IL18R1: variants seen among roughly 807,000 people sequenced by gnomAD.
IL18R1 encodes interleukin-18 receptor 1.
A neutral mutation model predicts 48.5 loss-of-function variants in IL18R1; 40 were observed. That is an observed-to-expected ratio of 0.82 (90% confidence interval 0.64 to 1.07). The LOEUF (loss-of-function observed/expected upper bound fraction) is 1.07, where lower values mean the gene tolerates loss of function less well. Among genes scored for constraint, IL18R1 ranks in the 50% least tolerant of loss-of-function variants. IL18R1 has a pLI of 0.00. For missense variants in IL18R1, 596 were observed against 633.7 expected (o/e 0.94, Z 0.64); for synonymous variants, 232 against 225.9 (o/e 1.03, Z -0.24).
intron 6 of IL18R1, among the ~76,000 whole-genome samples, chr2:102,384,516 T>C (rs918114303): frequency 6.6e-6 from 1 of 152,178 alleles, no homozygotes; most frequent in African/African-American, 2.4e-5. Flanking sequence ...TTTGATGTCT[T>C]TAATGTTTGC....
intron 9 of IL18R1, among the ~76,000 whole-genome samples, chr2:102,392,530 A>G (rs1422450046): frequency 1.3e-5 from 2 of 152,212 alleles, no homozygotes; most frequent in Admixed American, 1.3e-4. Flanking sequence ...CCATTAAATT[A>G]TGGTCCATGA....
At chr2:102,391,283 G>A (rs1353003970) in intron 9 of IL18R1, among the ~76,000 whole-genome samples, 1 of 152,002 alleles carries the variant, frequency 6.6e-6, no homozygotes, top group Non-Finnish European at 1.5e-5. Context: ...CTCATTGATA[G>A]CACATCTGAC....
At chr2:102,395,650 G>A (rs1680781218) in intron 10 of IL18R1, among the ~76,000 whole-genome samples, 1 of 152,088 alleles carries the variant, frequency 6.6e-6, no homozygotes, top group South Asian at 2.1e-4. Context: ...ATTTATTCTG[G>A]GCCATACATC....
rs796419237 is a variant in IL18R1, at chr2:102,356,210, T to C, written c.-219T>C. On this transcript the variant is annotated 5_prime_UTR_variant, in exon 1 of 11. Coordinates refer to ENST00000233957, the MANE Select transcript of IL18R1 (RefSeq NM_003855.5). ...CCTACTTTTTTTCCTTCTTCTTCTTTTTTTTTTTTTTTGTAGCCCTCTCTG... is the reference window on the plus strand; with the variant it reads ...CCTACTTTTTTTCCTTCTTCTTCTTCTTTTTTTTTTTTGTAGCCCTCTCTG... 22 of 261,312 alleles carry C rather than the reference T, an allele frequency of 8.4e-5. No individual in the cohort carries two copies. The highest frequency in any genetic ancestry group is 1.9e-4 in the African/African-American group (8 of 42,646). 16.2% of individuals were successfully genotyped at this position (261,312 alleles called of 1,614,324 possible). A position where few individuals can be genotyped will look rare whatever the true frequency, so the allele number is the denominator to read the frequency against.
chr2:102,379,562 C>A (rs6729638), intron 5 of IL18R1, among the ~76,000 whole-genome samples: 5 of 151,966 alleles, frequency 3.3e-5, no homozygotes, highest in African/African-American at 4.8e-5. Context: ...AGAAATGTGA[C>A]TGGACAAAAG....
chr2:102,385,138 A>G (rs3752659), intron 7 of IL18R1, 140 bp downstream of exon 7: 54,958 of 458,526 alleles, frequency 0.12, 3,795 homozygotes, highest in Non-Finnish European at 0.14. Context: ...GACATATTTT[A>G]TAATTATAGT....
At chr2:102,384,103 T>C (rs987045490) in intron 6 of IL18R1, among the ~76,000 whole-genome samples, 2 of 152,240 alleles carry the variant, frequency 1.3e-5, no homozygotes, top group East Asian at 3.8e-4. Flanking sequence ...AGTATCTCAG[T>C]TGACTCAGAA....
Position 102,394,493 on chromosome 2 carries a change from T to C in IL18R1, c.1136T>C (p.Val379Ala). 2 of 1,612,742 alleles carry C rather than the reference T, an allele frequency of 1.2e-6. No individual in the cohort carries two copies. The highest frequency in any genetic ancestry group is 1.7e-6 in the Non-Finnish European group (2 of 1,179,138). Residue 379 changes from valine (V) to alanine (A), a missense_variant, in exon 10 of 11, where the codon GTG becomes GCG. Transcript: ENST00000233957. ...GATGGAAAAACATATGATGCTTTTG[T>C]GTCTTACCTAAAAGAATGCCGACCT... ...LTDGKTYDAF[V>A]SYLKECRPEN...
intron 8 of IL18R1, among the ~76,000 whole-genome samples, chr2:102,388,768 A>G (rs1414728039): frequency 2.6e-5 from 4 of 152,212 alleles, no homozygotes; most frequent in Non-Finnish European, 2.9e-5. Context: ...TCCAAGGTAC[A>G]GGAGCCCCAG....
At chr2:102,370,808 A>C (rs1183736386) in intron 3 of IL18R1, among the ~76,000 whole-genome samples, 1 of 152,198 alleles carries the variant, frequency 6.6e-6, no homozygotes, top group African/African-American at 2.4e-5. Context: ...GAACTCAGTA[A>C]GTGTTAGTCT....
At chr2:102,367,748 C>A in intron 2 of IL18R1, 77 bp from the exon 3 acceptor site, 1 of 1,286,204 alleles carries the variant, frequency 7.8e-7, no homozygotes, top group Non-Finnish European at 1.1e-6. Flanking sequence ...TCACCTAATG[C>A]ATTAGGAGAC....
At position 102,356,208 on chromosome 2, in the gene IL18R1, T is replaced by TTC. The variant is rs34418941; in HGVS notation, c.-220_-219insCT. ...TTCCTACTTTTTTTCCTTCTTCTTCTTTTTTTTTTTTTTTGTAGCCCTCTC... is the reference window on the plus strand; with the variant it reads ...TTCCTACTTTTTTTCCTTCTTCTTCTTCTTTTTTTTTTTTTTGTAGCCCTCTC... On this transcript the variant is annotated 5_prime_UTR_variant, in exon 1 of 11. Transcript: ENST00000233957. The TTC allele has an allele frequency of 6.4e-4, 50 of 77,626 alleles. No individual in the cohort carries two copies. The South Asian group carries it at 6.4e-3, about 10-fold the overall frequency. 4.8% of individuals were successfully genotyped at this position (77,626 alleles called of 1,614,324 possible).
chr2:102,394,696 C>T (rs1680731375), intron 10 of IL18R1, 69 bp downstream of exon 10: 3 of 1,347,134 alleles, frequency 2.2e-6, no homozygotes, highest in Admixed American at 4.3e-5. Flanking sequence ...GAGCTAGCCC[C>T]CAGAGAGCTA....
At chr2:102,359,714 G>T (rs1678464329) in intron 1 of IL18R1, among the ~76,000 whole-genome samples, 1 of 152,142 alleles carries the variant, frequency 6.6e-6, no homozygotes, top group African/African-American at 2.4e-5. Flanking sequence ...TTGAGTGAGA[G>T]AATATGAATA....
In IL18R1 at chr2:102,396,790, A is replaced by G; in HGVS notation, c.1530A>G (p.Ser510=). Residue 510 remains serine (S), a synonymous_variant, in exon 11 of 11, where the codon TCA becomes TCG. Coordinates refer to ENST00000233957, the MANE Select transcript of IL18R1 (RefSeq NM_003855.5). ...WKADKSLSYN[S]RFWKNLLYLM... ...CCGATAAATCTCTTTCTTATAACTCAAGGTTCTGGAAGAACCTTCTTTACT... is the reference window on the plus strand; with the variant it reads ...CCGATAAATCTCTTTCTTATAACTCGAGGTTCTGGAAGAACCTTCTTTACT... The G allele has an allele frequency of 6.2e-7, 1 of 1,614,012 alleles. No individual in the cohort carries two copies.
intron 4 of IL18R1, 152 bp from the exon 5 acceptor site, chr2:102,375,755 T>C (rs1679539715): frequency 1.9e-6 from 1 of 516,146 alleles, no homozygotes; most frequent in Admixed American, 4.0e-5. Flanking sequence ...TCAGTAAAAG[T>C]AGTACCAAGT....
intron 2 of IL18R1, among the ~76,000 whole-genome samples, chr2:102,366,962 C>G (rs2105045607): frequency 6.6e-6 from 1 of 152,342 alleles, no homozygotes; most frequent in South Asian, 2.1e-4. Flanking sequence ...AGAAGGCATT[C>G]TGTCCATGTC....
chr2:102,374,843 A>AT (rs1387702254), intron 4 of IL18R1, among the ~76,000 whole-genome samples: 15 of 152,138 alleles, frequency 9.9e-5, no homozygotes, highest in African/African-American at 3.4e-4. Context: ...CACCAAGGAT[A>AT]TTTAGCTAAA....
intron 5 of IL18R1, among the ~76,000 whole-genome samples, chr2:102,378,743 A>G (rs553921598): frequency 3.3e-5 from 5 of 152,232 alleles, no homozygotes; most frequent in African/African-American, 4.8e-5. Flanking sequence ...TGCTCATTAC[A>G]TGCCTGTTGT....
Sources: allele counts gnomAD v4.1 joint callset (sites outside exome capture counted in the v4.1 genomes callset), GRCh38; gene constraint gnomAD v4.1.1; transcripts MANE v1.5; gene names NCBI Gene and HGNC (gene_info 2026-07-23, HGNC 2026-07-21).